SP4: variants seen among roughly 807,000 people sequenced by gnomAD.
SP4 encodes the protein Sp4 transcription factor.
SP4 carries 19 observed loss-of-function variants against 72.8 expected under a neutral mutation model. The observed-to-expected ratio is 0.26, with a 90% confidence interval of 0.18 to 0.38. The LOEUF is 0.38. Among genes scored for constraint, SP4 ranks in the 10% least tolerant of loss-of-function variants. The pLI is 1.00. For synonymous variants in SP4, 395 were observed against 333.1 expected (o/e 1.19, Z -2.02); for missense variants, 1,008 against 926.3 (o/e 1.09, Z -1.14).
intron 1 of SP4, 93 bp from the exon 2 acceptor site, chr7:21,428,584 G>A (rs1355490345): frequency 3.9e-6 from 5 of 1,268,922 alleles, no homozygotes; most frequent in Non-Finnish European, 4.3e-6. Flanking sequence ...TTAATGTTCG[G>A]GGGGAGGGGG....
At chr7:21,454,355 C>CTTTTTT (rs3060615) in intron 3 of SP4, among the ~76,000 whole-genome samples, 195 of 148,482 alleles carry the variant, frequency 1.3e-3, no homozygotes, top group East Asian at 3.5e-3. Flanking sequence ...CTTTTACTAA[C>CTTTTTT]TTTTTTTTTT....
intron 5 of SP4, among the ~76,000 whole-genome samples, chr7:21,506,816 A>G (rs1301044823): frequency 6.6e-6 from 1 of 152,228 alleles, no homozygotes; most frequent in Non-Finnish European, 1.5e-5. Flanking sequence ...GAGCCTATAT[A>G]GGAATGCAGA....
intron 5 of SP4, among the ~76,000 whole-genome samples, chr7:21,488,393 C>T (rs1434008639): frequency 6.6e-6 from 1 of 151,258 alleles, no homozygotes; most frequent in Non-Finnish European, 1.5e-5. Context: ...TGACTGTCTT[C>T]TAGAACATAT....
At chr7:21,466,434 C>G (rs984325296) in intron 3 of SP4, among the ~76,000 whole-genome samples, 8 of 152,168 alleles carry the variant, frequency 5.3e-5, no homozygotes, top group African/African-American at 1.9e-4. Flanking sequence ...GCTATATACA[C>G]TATTTCAGTC....
intron 4 of SP4, among the ~76,000 whole-genome samples, chr7:21,480,819 C>T (rs545147151): frequency 2.3e-4 from 35 of 152,312 alleles, no homozygotes; most frequent in Non-Finnish European, 4.1e-4. Flanking sequence ...TTGAAACCAT[C>T]TCTACTTTTT....
rs7787360 is a variant in SP4 at position 21,452,783 on chromosome 7, A to T, written c.1678+21940A>T. Among the ~76,000 whole-genome samples, 87 of 136,904 alleles carry T rather than the reference A, an allele frequency of 6.4e-4. 1 individual carries two copies. The highest frequency in any genetic ancestry group is 2.6e-3 in the South Asian group (11 of 4,296). The allele number at this position is 136,904 out of a possible 152,430, so 89.8% of individuals were successfully genotyped here. A position where few individuals can be genotyped will look rare whatever the true frequency, so the allele number is the denominator to read the frequency against. ...TTTATAGGAGTATACTTTACTCATT[A>T]TTTTTTTTTTTTTTTTTGAGACAGA... On this transcript the variant is annotated intron_variant, in intron 3 of 5. Transcript: ENST00000222584.
At chr7:21,478,023 T>G (rs1343213548) in intron 4 of SP4, among the ~76,000 whole-genome samples, 2 of 152,208 alleles carry the variant, frequency 1.3e-5, no homozygotes, top group East Asian at 3.8e-4. Context: ...ATTCTGTATC[T>G]TTTTTAAGCA....
chr7:21,465,360 A>G (rs984425165), intron 3 of SP4, among the ~76,000 whole-genome samples: 4 of 152,126 alleles, frequency 2.6e-5, no homozygotes, highest in Non-Finnish European at 5.9e-5. Flanking sequence ...GCTTAAGGAG[A>G]GAATATAGCC....
At chr7:21,461,117 G>C (rs1177096865) in intron 3 of SP4, among the ~76,000 whole-genome samples, 1 of 152,222 alleles carries the variant, frequency 6.6e-6, no homozygotes, top group Admixed American at 6.5e-5. Flanking sequence ...CCAGACTCAG[G>C]AGCCCTGCTG....
chr7:21,498,448 C>T (rs1759379662), intron 5 of SP4, among the ~76,000 whole-genome samples: 2 of 152,014 alleles, frequency 1.3e-5, no homozygotes, highest in South Asian at 4.2e-4. Flanking sequence ...GTAGGGTACT[C>T]ATGAAAAGAC....
At chr7:21,490,079 A>G (rs1312549439) in intron 5 of SP4, among the ~76,000 whole-genome samples, 1 of 152,130 alleles carries the variant, frequency 6.6e-6, no homozygotes, top group East Asian at 1.9e-4. Context: ...TACACTAAAA[A>G]CTCTGGACAA....
chr7:21,508,737 G>A (rs906903892), intron 5 of SP4, among the ~76,000 whole-genome samples: 6 of 151,348 alleles, frequency 4.0e-5, no homozygotes, highest in African/African-American at 1.5e-4. Context: ...AAGATACCAA[G>A]ACCAGGCTTG....
At position 21,428,176 on chromosome 7, in the gene SP4, T is replaced by TCCAACCCCCCCCCCCCC; in HGVS notation, c.-74_-73insAACCCCCCCCCCCCCCC. On this transcript the variant is annotated 5_prime_UTR_variant, in exon 1 of 6. Transcript: ENST00000222584. Reference sequence around the variant, plus strand: ...ACCGCGGGCGGGCGGGACCGGCCTCTCCTCCCGCCTCGCCCCCACCCCCAC... The same window carrying TCCAACCCCCCCCCCCCC: ...ACCGCGGGCGGGCGGGACCGGCCTCTCCAACCCCCCCCCCCCCCCTCCCGCCTCGCCCCCACCCCCAC... 1.4e-6 allele frequency: 1 copy of TCCAACCCCCCCCCCCCC among 718,776 alleles called. No homozygotes were observed. Among genetic ancestry groups the TCCAACCCCCCCCCCCCC allele is most frequent in the Non-Finnish European group, 2.5e-6 (1 of 396,142 alleles). 44.5% of individuals were successfully genotyped at this position (718,776 alleles called of 1,614,324 possible).
intron 5 of SP4, among the ~76,000 whole-genome samples, chr7:21,485,338 A>G (rs1784785076): frequency 6.6e-6 from 1 of 151,950 alleles, no homozygotes; most frequent in African/African-American, 2.4e-5. Flanking sequence ...CTTTTTAAAA[A>G]AATTTGTAAA....
At chr7:21,489,433 A>G (rs577743627) in intron 5 of SP4, among the ~76,000 whole-genome samples, 96 of 144,598 alleles carry the variant, frequency 6.6e-4, no homozygotes, top group African/African-American at 2.3e-3. Context: ...CAGTCCTCCC[A>G]CCTCAGCTGC....
At chr7:21,466,996 T>C (rs1261954826) in intron 3 of SP4, among the ~76,000 whole-genome samples, 1 of 152,232 alleles carries the variant, frequency 6.6e-6, no homozygotes, top group Non-Finnish European at 1.5e-5. Context: ...TGTTTTGTTA[T>C]AGCTGTTTAT....
intron 3 of SP4, among the ~76,000 whole-genome samples, chr7:21,432,601 A>G (rs776614355): frequency 2.0e-5 from 3 of 152,240 alleles, no homozygotes. Context: ...TGAATGGTGC[A>G]TTAAAATAAA....
intron 5 of SP4, among the ~76,000 whole-genome samples, chr7:21,507,093 T>G (rs989487787): frequency 2.0e-5 from 3 of 152,224 alleles, no homozygotes; most frequent in Non-Finnish European, 2.9e-5. Flanking sequence ...ATATTCTTGA[T>G]GGACATCATT....
At chr7:21,457,623 A>T (rs537001075) in intron 3 of SP4, among the ~76,000 whole-genome samples, 2 of 152,204 alleles carry the variant, frequency 1.3e-5, no homozygotes, top group East Asian at 3.8e-4. Context: ...TTGATAATTA[A>T]CAGACCATTG....
Sources: gnomAD v4.1 joint callset for allele counts (sites outside exome capture counted in the v4.1 genomes callset) on GRCh38, gnomAD v4.1.1 for gene constraint, MANE v1.5 for transcripts, NCBI Gene and HGNC (gene_info 2026-07-23, HGNC 2026-07-21) for gene names.